The following ENOX2 variants were observed in gnomAD, a reference collection of about 807,000 sequenced individuals.
ENOX2 encodes ecto-NOX disulfide-thiol exchanger 2.
ENOX2 carries 36 observed loss-of-function variants against 45.0 expected under a neutral mutation model. The ratio of observed to expected loss-of-function variants is 0.80; its 90% CI spans 0.61 to 1.06. The LOEUF is 1.06. ENOX2 is among the 50% of genes least tolerant of loss of function. The probability of loss-of-function intolerance (pLI) is 0.00; values close to 1 mark genes in which losing one functional copy is unlikely to be tolerated. For synonymous variants in ENOX2, 174 were observed against 152.3 expected (o/e 1.14, Z -1.05); for missense variants, 423 against 462.5 (o/e 0.91, Z 0.78).
At chrX:130,677,693 ACT>A (rs2037189694) in intron 6 of ENOX2, among the ~76,000 whole-genome samples, 1 of 111,122 alleles carries the variant, frequency 9.0e-6, no homozygotes. Context: ...ACCTGAGCTA[ACT>A]CTCTGCAGAG....
intron 7 of ENOX2, 49 bp from the exon 8 acceptor site, chrX:130,667,791 C>T (rs373992459): frequency 9.3e-5 from 94 of 1,011,200 alleles, no homozygotes; most frequent in Non-Finnish European, 1.2e-4. Flanking sequence ...AAATTTTGAT[C>T]TATTTTCCCA....
At chrX:130,752,556 G>A (rs1464250635) in intron 3 of ENOX2, among the ~76,000 whole-genome samples, 2 of 109,637 alleles carry the variant, frequency 1.8e-5, no homozygotes, top group Non-Finnish European at 3.8e-5. Flanking sequence ...GTCTCTCTCC[G>A]GTTCTACCTG....
chrX:130,826,538 T>C (rs2077723943), intron 2 of ENOX2, among the ~76,000 whole-genome samples: 1 of 111,805 alleles, frequency 8.9e-6, no homozygotes, highest in African/African-American at 3.2e-5. Flanking sequence ...CTACTTTCCT[T>C]GTGAAGAGTG....
intron 2 of ENOX2, among the ~76,000 whole-genome samples, chrX:130,890,035 CT>C (rs1236024718): frequency 1.2e-4 from 13 of 112,770 alleles, no homozygotes; most frequent in African/African-American, 4.2e-4. Context: ...CAGAATAGGA[CT>C]GTTCTCCCTT....
chrX:130,710,427 AG>A (rs1211851185), intron 3 of ENOX2, among the ~76,000 whole-genome samples: 1 of 112,091 alleles, frequency 8.9e-6, no homozygotes, highest in East Asian at 2.8e-4. Context: ...TTTGCCCCAC[AG>A]GGGACATTTG....
intron 2 of ENOX2, among the ~76,000 whole-genome samples, chrX:130,822,057 G>A (rs1169039795): frequency 2.6e-5 from 2 of 76,802 alleles, no homozygotes; most frequent in Admixed American, 1.9e-4. Context: ...GACAGAGTGA[G>A]ACTCCGTCTC....
chrX:130,635,348 C>G (rs2035905074), intron 11 of ENOX2, among the ~76,000 whole-genome samples: 2 of 112,118 alleles, frequency 1.8e-5, no homozygotes, highest in Admixed American at 9.5e-5. Flanking sequence ...CACTTAACTT[C>G]TTCCCTATTC....
At chrX:130,633,465 A>C (rs887245147) in intron 12 of ENOX2, among the ~76,000 whole-genome samples, 1 of 112,508 alleles carries the variant, frequency 8.9e-6, no homozygotes, top group Non-Finnish European at 1.9e-5. Context: ...CAAGAAAAAA[A>C]CATATTTTGA....
At chrX:130,757,935 C>T (rs1285992083) in intron 3 of ENOX2, among the ~76,000 whole-genome samples, 1 of 111,167 alleles carries the variant, frequency 9.0e-6, no homozygotes, top group Non-Finnish European at 1.9e-5. Context: ...GACATGAGGT[C>T]TTGCTATGTT....
chrX:130,798,494 G>A (rs181102771), intron 2 of ENOX2, among the ~76,000 whole-genome samples: 56 of 111,714 alleles, frequency 5.0e-4, no homozygotes, highest in Admixed American at 1.7e-3. Flanking sequence ...GTATAAGTAC[G>A]TTAGACTTAA....
At chrX:130,726,107 G>T (rs950847670) in intron 3 of ENOX2, among the ~76,000 whole-genome samples, 1 of 112,071 alleles carries the variant, frequency 8.9e-6, no homozygotes, top group African/African-American at 3.2e-5. Flanking sequence ...ACAAACAAAA[G>T]AACTTGGAAT....
rs772064920 is a variant in ENOX2, at chrX:130,631,471, C to G, written c.1525G>C (p.Val509Leu). The G allele has an allele frequency of 8.8e-7, 1 of 1,133,652 alleles. No individual in the cohort carries two copies. The highest frequency in any genetic ancestry group is 1.8e-5 in the African/African-American group (1 of 56,292). The allele number at this position is 1,133,652 out of a possible 1,213,427, so 93.4% of individuals were successfully genotyped here. ...PIKSEREALL[V>L]GIISTFLHVH... is the part of the protein sequence containing the mutation. Reference sequence around the variant, plus strand: ...ATGTGTGCATTAGCTTCCTTACCCACTAGCAGTGCTTCACGTTCAGATTTG... The same window carrying G: ...ATGTGTGCATTAGCTTCCTTACCCAGTAGCAGTGCTTCACGTTCAGATTTG... Residue 509 changes from valine to leucine, a missense_variant, in exon 13 of 15, where the codon GTG becomes CTG. Transcript: ENST00000394363.
chrX:130,796,219 T>C (rs1569503062), intron 2 of ENOX2, among the ~76,000 whole-genome samples: 1 of 111,489 alleles, frequency 9.0e-6, no homozygotes, highest in Non-Finnish European at 1.9e-5. Flanking sequence ...TCAGGAAATA[T>C]AATCATCTGG....
chrX:130,826,753 G>T (rs2077727482), intron 2 of ENOX2, among the ~76,000 whole-genome samples: 1 of 112,025 alleles, frequency 8.9e-6, no homozygotes, highest in South Asian at 3.7e-4. Flanking sequence ...GTCTGGGAAG[G>T]AAATGACTTC....
chrX:130,734,279 A>G (rs947524849), intron 3 of ENOX2, among the ~76,000 whole-genome samples: 1 of 112,099 alleles, frequency 8.9e-6, no homozygotes, highest in African/African-American at 3.2e-5. Context: ...CAGAACTACT[A>G]AAGTTCCTGA....
At chrX:130,675,655 C>T (rs2037128146) in intron 6 of ENOX2, among the ~76,000 whole-genome samples, 1 of 111,453 alleles carries the variant, frequency 9.0e-6, no homozygotes, top group Non-Finnish European at 1.9e-5. Context: ...TGTGTGATTC[C>T]ATTTATGTAA....
At chrX:130,756,223 T>C (rs1365586742) in intron 3 of ENOX2, among the ~76,000 whole-genome samples, 1 of 112,222 alleles carries the variant, frequency 8.9e-6, no homozygotes, top group Non-Finnish European at 1.9e-5. Flanking sequence ...GTAGGTAACA[T>C]TTCCACAGAT....
In ENOX2 at chrX:130,888,857, T is replaced by C. The variant is rs775522607; in HGVS notation, c.-183+12827A>G. Among the ~76,000 whole-genome samples the C allele has an allele frequency of 7.2e-5, 8 of 111,863 alleles. No homozygotes were observed. The South Asian group carries it at 2.7e-3, about 37-fold the overall frequency. On this transcript the variant is annotated intron_variant, in intron 2 of 14. Coordinates refer to ENST00000394363, the MANE Select transcript of ENOX2 (RefSeq NM_006375.4). The stretch of plus-strand genomic sequence containing the variant: ...AGACTGGAGCCCTCTAAATTCTCTC[T>C]TTCCTTTCTGGAAAGTCAGTCCATT...
At chrX:130,756,021 C>G (rs931595469) in intron 3 of ENOX2, among the ~76,000 whole-genome samples, 2 of 111,497 alleles carry the variant, frequency 1.8e-5, no homozygotes, top group African/African-American at 6.5e-5. Flanking sequence ...AGTTGTCAGA[C>G]CTATGTTACA....
Sources: gnomAD v4.1 joint callset for allele counts (sites outside exome capture counted in the v4.1 genomes callset) on GRCh38, gnomAD v4.1.1 for gene constraint, MANE v1.5 for transcripts, NCBI Gene and HGNC (gene_info 2026-07-23, HGNC 2026-07-21) for gene names.